Variants in RABGAP1L observed in about 807,000 individuals in gnomAD.
The protein encoded by RABGAP1L is RAB GTPase activating protein 1 like, also known as rab GTPase-activating protein 1-like.
Under a neutral mutation model 137.7 loss-of-function variants are expected in RABGAP1L, and 63 were observed. The ratio of observed to expected loss-of-function variants is 0.46; its 90% CI spans 0.37 to 0.56. The LOEUF (loss-of-function observed/expected upper bound fraction) is 0.56. Ranked by LOEUF, RABGAP1L falls within the 20% of genes least tolerant of loss-of-function variation. The pLI is 0.00. For missense variants in RABGAP1L, 1,095 were observed against 1,244.0 expected (o/e 0.88, Z 1.80); for synonymous variants, 431 against 433.7 (o/e 0.99, Z 0.08).
At chr1:174,365,236 T>A (rs2148978871) in intron 11 of RABGAP1L, 1 of 152,394 alleles carries the variant, frequency 6.6e-6, no homozygotes, top group South Asian at 2.1e-4. Context: ...CAACACTGTT[T>A]ATGTCAAATT....
intron 17 of RABGAP1L, among the ~76,000 whole-genome samples, chr1:174,738,849 C>T (rs1683164655): frequency 6.6e-6 from 1 of 152,206 alleles, no homozygotes; most frequent in African/African-American, 2.4e-5. Flanking sequence ...AGCCTTTCCC[C>T]ATAATTGTAA....
At chr1:174,884,728 G>A (rs1654802192) in intron 19 of RABGAP1L, among the ~76,000 whole-genome samples, 1 of 152,226 alleles carries the variant, frequency 6.6e-6, no homozygotes, top group Non-Finnish European at 1.5e-5. Context: ...AACAGAGCTG[G>A]TACTGGACTG....
At chr1:174,891,910 G>A (rs1241505650) in intron 19 of RABGAP1L, among the ~76,000 whole-genome samples, 1 of 152,196 alleles carries the variant, frequency 6.6e-6, no homozygotes, top group Non-Finnish European at 1.5e-5. Context: ...AACACAGAAA[G>A]AAAATACAGA....
chr1:174,383,932 G>A (rs56148594), intron 12 of RABGAP1L, among the ~76,000 whole-genome samples: 44,464 of 151,988 alleles, frequency 0.29, 7,291 homozygotes, highest in African/African-American at 0.43. Context: ...AGCAATTCCA[G>A]TCCCACTGCT....
At chr1:174,296,018 G>T (rs537809478) in intron 10 of RABGAP1L, among the ~76,000 whole-genome samples, 1 of 152,092 alleles carries the variant, frequency 6.6e-6, no homozygotes, top group Admixed American at 6.6e-5. Context: ...AAACACAGAC[G>T]TTTAAAAAAT....
At chr1:174,631,047 T>TCTACACAGTGCTTTGAA in intron 13 of RABGAP1L, among the ~76,000 whole-genome samples, 1 of 130,446 alleles carries the variant, frequency 7.7e-6, no homozygotes, top group Non-Finnish European at 1.6e-5. Context: ...TAAATTTCCC[T>TCTACACAGTGCTTTGAA]CTACACAGTG....
At chr1:174,877,099 A>G (rs975755810) in intron 19 of RABGAP1L, among the ~76,000 whole-genome samples, 1 of 151,916 alleles carries the variant, frequency 6.6e-6, no homozygotes, top group Non-Finnish European at 1.5e-5. Flanking sequence ...TTTAATTACC[A>G]AGAACATAAC....
intron 15 of RABGAP1L, among the ~76,000 whole-genome samples, chr1:174,690,856 A>G (rs1242417314): frequency 1.5e-5 from 2 of 131,822 alleles, no homozygotes; most frequent in African/African-American, 2.9e-5. Context: ...TTTTTGAGAC[A>G]TGGTCTCGCT....
intron 13 of RABGAP1L, among the ~76,000 whole-genome samples, chr1:174,522,808 T>C (rs1022437633): frequency 6.6e-6 from 1 of 152,128 alleles, no homozygotes. Flanking sequence ...ATGCCATACA[T>C]TTTTAAAGGA....
chr1:174,326,508 A>AG (rs1344812486), intron 11 of RABGAP1L, among the ~76,000 whole-genome samples: 1 of 152,208 alleles, frequency 6.6e-6, no homozygotes, highest in Non-Finnish European at 1.5e-5. Flanking sequence ...TAGTTGGAGG[A>AG]GAAAAATGAA....
chr1:174,170,860 A>G (rs908740106), intron 1 of RABGAP1L, among the ~76,000 whole-genome samples: 16 of 152,310 alleles, frequency 1.1e-4, no homozygotes, highest in Non-Finnish European at 2.2e-4. Flanking sequence ...AAAAGAACAC[A>G]CAGATGTCTC....
intron 15 of RABGAP1L, 130 bp downstream of exon 15, chr1:174,683,726 G>A: frequency 1.7e-6 from 1 of 598,128 alleles, no homozygotes; most frequent in Non-Finnish European, 2.8e-6. Context: ...TTTTTAAAAT[G>A]TACGTTAGGT....
intron 11 of RABGAP1L, among the ~76,000 whole-genome samples, chr1:174,307,875 T>A (rs1678453411): frequency 6.6e-6 from 1 of 152,132 alleles, no homozygotes; most frequent in Non-Finnish European, 1.5e-5. Context: ...TATTTTTAAT[T>A]TTTTGAGGAA....
At chr1:174,233,358 G>A (rs1443990416) in intron 4 of RABGAP1L, among the ~76,000 whole-genome samples, 2 of 150,286 alleles carry the variant, frequency 1.3e-5, no homozygotes, top group African/African-American at 5.0e-5. Flanking sequence ...CTGGTGCACT[G>A]CACCCACTAA....
intron 1 of RABGAP1L, among the ~76,000 whole-genome samples, chr1:174,184,390 A>G (rs904971971): frequency 1.3e-5 from 2 of 152,088 alleles, no homozygotes; most frequent in African/African-American, 2.4e-5. Flanking sequence ...TACGTTTTCA[A>G]CTCATTTGGG....
chr1:174,213,645 T>A (rs1669070092), intron 1 of RABGAP1L, among the ~76,000 whole-genome samples: 1 of 152,218 alleles, frequency 6.6e-6, no homozygotes, highest in African/African-American at 2.4e-5. Flanking sequence ...CAGTGGGATT[T>A]ATCCCAGGGA....
chr1:174,532,200 GTTTTTTGT>G (rs1664471531), intron 13 of RABGAP1L, among the ~76,000 whole-genome samples: 1 of 150,650 alleles, frequency 6.6e-6, no homozygotes, highest in South Asian at 2.1e-4. Flanking sequence ...GGAGTTTTTT[GTTTTTTGT>G]TTTTTTGTTT....
intron 17 of RABGAP1L, among the ~76,000 whole-genome samples, chr1:174,708,759 G>GT (rs1680251156): frequency 6.6e-6 from 1 of 152,062 alleles, no homozygotes; most frequent in Non-Finnish European, 1.5e-5. Flanking sequence ...GTTTTTGTTT[G>GT]TTTGTTTTGT....
chr1:174,419,544 A>T (rs1478721287), intron 13 of RABGAP1L, among the ~76,000 whole-genome samples: 1 of 152,204 alleles, frequency 6.6e-6, no homozygotes, highest in Non-Finnish European at 1.5e-5. Flanking sequence ...AATTTTCTGT[A>T]ACTGTGGTTT....
Sources: allele counts gnomAD v4.1 joint callset (sites outside exome capture counted in the v4.1 genomes callset), GRCh38; gene constraint gnomAD v4.1.1; transcripts MANE v1.5; gene names NCBI Gene and HGNC (gene_info 2026-07-23, HGNC 2026-07-21).